ST8SIA1: variants seen among roughly 807,000 people sequenced by gnomAD.
ST8SIA1 encodes the protein ST8 alpha-N-acetyl-neuraminide alpha-2,8-sialyltransferase 1.
ST8SIA1 carries 16 observed loss-of-function variants against 35.9 expected under a neutral mutation model. That is an observed-to-expected ratio of 0.45 (90% CI 0.30 to 0.68). The LOEUF (loss-of-function observed/expected upper bound fraction) is 0.68, where lower values mean the gene tolerates loss of function less well. Among genes scored for constraint, ST8SIA1 ranks in the 30% least tolerant of loss-of-function variants. The pLI is 0.09. For missense variants in ST8SIA1, 383 were observed against 453.6 expected (o/e 0.84, Z 1.41); for synonymous variants, 170 against 169.6 (o/e 1.00, Z -0.02).
intron 2 of ST8SIA1, among the ~76,000 whole-genome samples, chr12:22,260,908 A>G (rs1865783772): frequency 8.7e-6 from 1 of 115,544 alleles, no homozygotes; most frequent in Non-Finnish European, 1.7e-5. Context: ...ACACAGTTTC[A>G]CTCTGTCCCC....
chr12:22,309,929 AGGTAC>A (rs1359012103), intron 1 of ST8SIA1, among the ~76,000 whole-genome samples: 9 of 152,202 alleles, frequency 5.9e-5, no homozygotes, highest in African/African-American at 2.2e-4. Flanking sequence ...CCTATGAATT[AGGTAC>A]TTTTATTTAT....
At chr12:22,289,302 T>TC (rs1866146221) in intron 1 of ST8SIA1, among the ~76,000 whole-genome samples, 2 of 151,560 alleles carry the variant, frequency 1.3e-5, no homozygotes. Context: ...TTATTATTAT[T>TC]ATCATCATGA....
intron 1 of ST8SIA1, among the ~76,000 whole-genome samples, chr12:22,300,117 T>C (rs537950801): frequency 5.6e-4 from 86 of 152,274 alleles, no homozygotes; most frequent in African/African-American, 2.0e-3. Flanking sequence ...TGTGTATCTT[T>C]ATGTGCTTTT....
intron 2 of ST8SIA1, among the ~76,000 whole-genome samples, chr12:22,259,271 C>T (rs1356457323): frequency 6.6e-6 from 1 of 150,676 alleles, no homozygotes; most frequent in East Asian, 1.9e-4. Flanking sequence ...CCCCAAAGCC[C>T]TCAAACAAAA....
At chr12:22,219,838 T>A (rs1464710256) in intron 4 of ST8SIA1, among the ~76,000 whole-genome samples, 1 of 152,156 alleles carries the variant, frequency 6.6e-6, no homozygotes, top group African/African-American at 2.4e-5. Context: ...GAATTTCCAT[T>A]GTATATGGTG....
intron 1 of ST8SIA1, among the ~76,000 whole-genome samples, chr12:22,289,590 CTTT>C: frequency 6.6e-6 from 1 of 152,248 alleles, no homozygotes; most frequent in East Asian, 1.9e-4. Flanking sequence ...CTTTAATATT[CTTT>C]TCTCAAGTAA....
At chr12:22,285,877 C>CAAAAAAAACAAA (rs67273710) in intron 2 of ST8SIA1, among the ~76,000 whole-genome samples, 1 of 103,632 alleles carries the variant, frequency 9.6e-6, no homozygotes, top group Non-Finnish European at 1.9e-5. Context: ...CTGTCAAAAA[C>CAAAAAAAACAAA]AAAAAAAAAA....
intron 1 of ST8SIA1, among the ~76,000 whole-genome samples, chr12:22,323,015 G>A (rs1866622064): frequency 6.6e-6 from 1 of 152,164 alleles, no homozygotes; most frequent in African/African-American, 2.4e-5. Context: ...AGTCCTAGAA[G>A]AAAGAAAGCT....
intron 2 of ST8SIA1, among the ~76,000 whole-genome samples, chr12:22,277,228 G>A (rs901954424): frequency 4.6e-5 from 7 of 152,092 alleles, no homozygotes; most frequent in South Asian, 2.1e-4. Flanking sequence ...TTAGTCTGCC[G>A]TTTAGCCACT....
chr12:22,246,948 C>T (rs539901691), intron 4 of ST8SIA1, among the ~76,000 whole-genome samples: 2 of 152,282 alleles, frequency 1.3e-5, no homozygotes, highest in Non-Finnish European at 2.9e-5. Flanking sequence ...CTTGTCCATG[C>T]GTGTTTTCTT....
chr12:22,267,670 C>T (rs1358165040), intron 2 of ST8SIA1, among the ~76,000 whole-genome samples: 3 of 152,158 alleles, frequency 2.0e-5, no homozygotes, highest in Non-Finnish European at 4.4e-5. Flanking sequence ...CTTGGCTTAT[C>T]GTCTACCCTT....
intron 1 of ST8SIA1, among the ~76,000 whole-genome samples, chr12:22,316,378 A>G (rs1203594287): frequency 1.3e-5 from 2 of 152,212 alleles, no homozygotes; most frequent in Non-Finnish European, 2.9e-5. Context: ...GAATGGATGG[A>G]CTTGGCATTA....
chr12:22,310,488 C>T (rs1380174451), intron 1 of ST8SIA1, among the ~76,000 whole-genome samples: 2 of 152,106 alleles, frequency 1.3e-5, no homozygotes, highest in Non-Finnish European at 2.9e-5. Flanking sequence ...TGGGAAAATG[C>T]TCAATACAGT....
intron 2 of ST8SIA1, among the ~76,000 whole-genome samples, chr12:22,261,166 A>G (rs1865786931): frequency 6.6e-6 from 1 of 151,952 alleles, no homozygotes; most frequent in South Asian, 2.1e-4. Flanking sequence ...TTGTTTTGAG[A>G]CAGAGTCTTG....
At chr12:22,285,877 CA>C (rs1398352110) in intron 2 of ST8SIA1, among the ~76,000 whole-genome samples, 177 of 103,672 alleles carry the variant, frequency 1.7e-3, no homozygotes, top group Admixed American at 4.8e-3. Flanking sequence ...CTGTCAAAAA[CA>C]AAAAAAAAAA....
At chr12:22,234,893 T>C (rs940865956) in intron 4 of ST8SIA1, among the ~76,000 whole-genome samples, 6 of 152,224 alleles carry the variant, frequency 3.9e-5, no homozygotes, top group African/African-American at 1.4e-4. Flanking sequence ...GGGTAGCACT[T>C]CCTTTTTCTG....
chr12:22,228,996 G>A (rs1309638575), intron 4 of ST8SIA1, among the ~76,000 whole-genome samples: 1 of 140,962 alleles, frequency 7.1e-6, no homozygotes, highest in Middle Eastern at 4.0e-3. Flanking sequence ...GGAGGTCGCA[G>A]TAAGCTGAGA....
intron 4 of ST8SIA1, among the ~76,000 whole-genome samples, chr12:22,215,444 G>A (rs1188737523): frequency 6.6e-6 from 1 of 152,204 alleles, no homozygotes; most frequent in Non-Finnish European, 1.5e-5. Context: ...AGTAAGAAGA[G>A]ACAACCAGTA....
chr12:22,257,747 C>T (rs1214831334), intron 2 of ST8SIA1, among the ~76,000 whole-genome samples: 3 of 151,866 alleles, frequency 2.0e-5, no homozygotes, highest in African/African-American at 7.3e-5. Context: ...GGAAGGATAT[C>T]AGAGAGTAGA....
Sources: gnomAD v4.1 joint callset for allele counts (sites outside exome capture counted in the v4.1 genomes callset) on GRCh38, gnomAD v4.1.1 for gene constraint, MANE v1.5 for transcripts, NCBI Gene and HGNC (gene_info 2026-07-23, HGNC 2026-07-21) for gene names.